The following TLL1 variants were observed in gnomAD, a reference collection of about 807,000 sequenced individuals.
TLL1 encodes tolloid-like protein 1.
TLL1 carries 49 observed loss-of-function variants against 128.2 expected under a neutral mutation model. The observed-to-expected ratio is 0.38, with a 90% CI of 0.30 to 0.48. The LOEUF is 0.48. Among genes scored for constraint, TLL1 ranks in the 20% least tolerant of loss-of-function variants. The pLI is 0.96. For synonymous variants in TLL1, 454 were observed against 418.8 expected (o/e 1.08, Z -1.03); for missense variants, 1,123 against 1,242.0 (o/e 0.90, Z 1.44).
chr4:166,043,521 T>C, intron 12 of TLL1, 102 bp downstream of exon 12: 1 of 1,539,114 alleles, frequency 6.5e-7, no homozygotes, highest in Non-Finnish European at 9.0e-7. Context: ...AGAGTCAGCC[T>C]TTTAATCAGC....
intron 11 of TLL1, 43 bp downstream of exon 11, chr4:166,042,186 C>A: frequency 7.9e-7 from 1 of 1,259,516 alleles, no homozygotes; most frequent in Non-Finnish European, 1.2e-6. Flanking sequence ...TCTTATATCT[C>A]AACAGAAATG....
At chr4:165,959,306 A>G (rs948502147) in intron 1 of TLL1, among the ~76,000 whole-genome samples, 7 of 152,070 alleles carry the variant, frequency 4.6e-5, no homozygotes, top group Non-Finnish European at 8.8e-5. Flanking sequence ...CTTGGGCAGT[A>G]TGGCCATTTT....
chr4:165,947,685 T>C (rs1314316871), intron 1 of TLL1, among the ~76,000 whole-genome samples: 1 of 152,086 alleles, frequency 6.6e-6, no homozygotes, highest in African/African-American at 2.4e-5. Flanking sequence ...ATTAAGGGTG[T>C]GACTTACAGA....
chr4:166,039,201 G>A (rs1579658185), intron 9 of TLL1, 138 bp from the exon 10 acceptor site: 6 of 654,996 alleles, frequency 9.2e-6, no homozygotes, highest in African/African-American at 1.8e-5. Context: ...AAACTATTAG[G>A]ATAATTATAG....
intron 17 of TLL1, 108 bp downstream of exon 17, chr4:166,075,111 G>A (rs1740964383): frequency 1.3e-6 from 2 of 1,513,230 alleles, no homozygotes; most frequent in Non-Finnish European, 1.8e-6. Flanking sequence ...ATATCATGGT[G>A]GGCTATCCAA....
chr4:166,062,839 G>A (rs1225638722), intron 15 of TLL1, among the ~76,000 whole-genome samples: 2 of 152,114 alleles, frequency 1.3e-5, no homozygotes, highest in African/African-American at 4.8e-5. Flanking sequence ...CATTCAGTAT[G>A]ATATTGGCTG....
chr4:166,098,080 TCCCAG>T (rs1474111209), intron 19 of TLL1, among the ~76,000 whole-genome samples: 1 of 152,062 alleles, frequency 6.6e-6, no homozygotes, highest in Non-Finnish European at 1.5e-5. Flanking sequence ...ATGCATGTAA[TCCCAG>T]CACTTTGGGA....
At chr4:165,981,832 A>G (rs563187140) in intron 1 of TLL1, among the ~76,000 whole-genome samples, 1 of 152,140 alleles carries the variant, frequency 6.6e-6, no homozygotes, top group Non-Finnish European at 1.5e-5. Flanking sequence ...TCATTTTTCA[A>G]TAAAGTGTAT....
intron 16 of TLL1, among the ~76,000 whole-genome samples, chr4:166,071,383 A>G (rs374418366): frequency 3.6e-4 from 55 of 152,048 alleles, no homozygotes; most frequent in South Asian, 1.7e-3. Context: ...TTTATCTTCC[A>G]TGAAGGAATG....
rs558196787 is a variant in TLL1, at chr4:165,878,677, G to A, written c.169+4604G>A. The stretch of plus-strand genomic sequence containing the variant: ...ACATAGTCTCCTGAGAGCCTCCCAC[G>A]TTTTGCTTCTGGGTAGTGTCATTCA... On this transcript the variant is annotated intron_variant, in intron 1 of 20. Coordinates refer to ENST00000061240, the MANE Select transcript of TLL1 (RefSeq NM_012464.5). Among the ~76,000 whole-genome samples the A allele has an allele frequency of 7.9e-5, 12 of 151,838 alleles. 1 individual carries two copies. The South Asian group carries it at 2.5e-3, about 32-fold the overall frequency.
intron 14 of TLL1, among the ~76,000 whole-genome samples, chr4:166,059,412 T>G (rs530540099): frequency 6.6e-6 from 1 of 152,106 alleles, no homozygotes; most frequent in East Asian, 1.9e-4. Context: ...TAAAAATAGA[T>G]CATCACAGAT....
chr4:166,006,607 C>T (rs555853796), intron 6 of TLL1, among the ~76,000 whole-genome samples: 2 of 151,774 alleles, frequency 1.3e-5, no homozygotes, highest in Admixed American at 6.6e-5. Context: ...CCTTATGAGA[C>T]AGGTGTTTTA....
At chr4:165,973,128 T>C (rs1185695204) in intron 1 of TLL1, among the ~76,000 whole-genome samples, 1 of 152,032 alleles carries the variant, frequency 6.6e-6, no homozygotes, top group East Asian at 1.9e-4. Context: ...AAAGGGAGTT[T>C]ATTAGAGAGA....
chr4:165,873,705 C>T lies in TLL1; in HGVS notation c.-200C>T. Reference sequence around the variant, plus strand: ...GCCCCTAGCCAACTTCTCCCTGCGACTGGGGGTAACAGGCAGTGCTTGCCC... The same window carrying T: ...GCCCCTAGCCAACTTCTCCCTGCGATTGGGGGTAACAGGCAGTGCTTGCCC... On this transcript the variant is annotated 5_prime_UTR_variant, in exon 1 of 21. Transcript: ENST00000061240. 5 of 573,230 alleles carry T rather than the reference C, an allele frequency of 8.7e-6. No individual in the cohort carries two copies. The South Asian group carries it at 8.9e-5, about 10-fold the overall frequency. The allele number at this position is 573,230 out of a possible 1,614,324, so 35.5% of individuals were successfully genotyped here.
rs1561018121 is a variant in TLL1, at chr4:165,903,732, A to AAC, written c.169+29659_169+29660insAC. Reference sequence around the variant, plus strand: ...AGCAGAGGTTAGATCTTAAGTTCTTATCACACACACACACACACACACACA... The same window carrying AAC: ...AGCAGAGGTTAGATCTTAAGTTCTTAACTCACACACACACACACACACACACA... On this transcript the variant is annotated intron_variant, in intron 1 of 20. Transcript: ENST00000061240. Among the ~76,000 whole-genome samples the AAC allele has an allele frequency of 2.5e-3, 257 of 104,716 alleles. 1 individual carries two copies. Among genetic ancestry groups the AAC allele is most frequent in the African/African-American group, 8.2e-3 (247 of 30,184 alleles). The allele number at this position is 104,716 out of a possible 152,430, so 68.7% of individuals were successfully genotyped here. A position where few individuals can be genotyped will look rare whatever the true frequency, so the allele number is the denominator to read the frequency against.
At chr4:166,058,104 G>C (rs1740115911) in intron 14 of TLL1, among the ~76,000 whole-genome samples, 1 of 151,684 alleles carries the variant, frequency 6.6e-6, no homozygotes, top group Admixed American at 6.6e-5. Context: ...AGATATCTCT[G>C]TCTAGATCTA....
chr4:165,953,157 G>A (rs1236413441), intron 1 of TLL1, among the ~76,000 whole-genome samples: 1 of 152,116 alleles, frequency 6.6e-6, no homozygotes, highest in Non-Finnish European at 1.5e-5. Flanking sequence ...GAGTGCCATG[G>A]TGAAAGGATG....
chr4:165,908,539 T>G (rs2110866900), intron 1 of TLL1, among the ~76,000 whole-genome samples: 1 of 146,502 alleles, frequency 6.8e-6, no homozygotes, highest in South Asian at 2.1e-4. Flanking sequence ...GCCATGGTTG[T>G]ACTGTACTCC....
At chr4:165,935,445 A>G (rs1733719986) in intron 1 of TLL1, among the ~76,000 whole-genome samples, 1 of 152,200 alleles carries the variant, frequency 6.6e-6, no homozygotes, top group South Asian at 2.1e-4. Context: ...TCTATGCTTA[A>G]CCTTTTTAGA....
Sources: allele counts gnomAD v4.1 joint callset (sites outside exome capture counted in the v4.1 genomes callset), GRCh38; gene constraint gnomAD v4.1.1; transcripts MANE v1.5; gene names NCBI Gene and HGNC (gene_info 2026-07-23, HGNC 2026-07-21).